Variants in SZT2 observed in about 807,000 individuals in gnomAD.
SZT2 encodes the protein KICSTOR complex protein SZT2.
Under a neutral mutation model 404.2 loss-of-function variants are expected in SZT2, and 216 were observed. That is an observed-to-expected ratio of 0.53 (90% CI 0.48 to 0.60). The LOEUF (loss-of-function observed/expected upper bound fraction) is 0.60, where lower values mean the gene tolerates loss of function less well. Among genes scored for constraint, SZT2 ranks in the 20% least tolerant of loss-of-function variants. The pLI, the probability that SZT2 is intolerant of heterozygous loss-of-function variation, is 0.00. For synonymous variants in SZT2, 1,693 were observed against 1,749.9 expected, an observed-to-expected ratio of 0.97 and a Z score of 0.81; for missense variants, 3,857 against 4,459.2, an observed-to-expected ratio of 0.86 and a Z score of 3.85.
rs758551979 is a variant in SZT2 at position 43,403,603 on chromosome 1, T to G, written c.156T>G (p.Leu52=). ...TVQATPQEML[L]QSEQELEVLS... ...TTTCTTTCCATCCTAATTTTCAGCT[T>G]CAGTCTGAACAGGAATTGGAAGTCC... Residue 52 remains leucine, a splice_region_variant and synonymous_variant, in exon 3 of 72, where the codon CTT becomes CTG. Coordinates refer to ENST00000634258, the MANE Select transcript of SZT2 (RefSeq NM_001365999.1). 6.2e-7 allele frequency: 1 copy of G among 1,609,514 alleles called. No individual in the cohort carries two copies. The highest frequency in any genetic ancestry group is 1.7e-5 in the Admixed American group (1 of 59,928).
intron 4 of SZT2, among the ~76,000 whole-genome samples, chr1:43,407,088 G>A (rs1294382405): frequency 6.6e-6 from 1 of 152,212 alleles, no homozygotes; most frequent in Non-Finnish European, 1.5e-5. Context: ...TTGTAGCATG[G>A]GAGAGAGGAG....
intron 25 of SZT2, 39 bp downstream of exon 25, chr1:43,427,484 G>A: frequency 1.2e-6 from 2 of 1,612,684 alleles, no homozygotes; most frequent in Non-Finnish European, 1.7e-6. Flanking sequence ...AGTGGGAGTG[G>A]GAAACAGATA....
At position 43,454,063 on chromosome 1, in the gene SZT2, CCGAG is replaced by C; in HGVS notation, c.*3585_*3588del. 1 of 1,128,738 alleles carries C rather than the reference CCGAG, an allele frequency of 8.9e-7. No individual in the cohort carries two copies. Among genetic ancestry groups the C allele is most frequent in the Non-Finnish European group, 1.1e-6 (1 of 922,918 alleles). The allele number at this position is 1,128,738 out of a possible 1,614,324, so 69.9% of individuals were successfully genotyped here. On this transcript the variant is annotated 3_prime_UTR_variant, in exon 72 of 72. Coordinates refer to ENST00000634258, the MANE Select transcript of SZT2 (RefSeq NM_001365999.1). ...CCCGCGCCTGGAGAAGGTAGGGAGG[CCGAG>C]CTCCAGGGCCTGAGAGCCGGACGCG...
chr1:43,443,447 C>A lies in SZT2; in HGVS notation c.8595C>A (p.Pro2865=), dbSNP rs748634866. 6.2e-7 allele frequency: 1 copy of A among 1,614,190 alleles called. No individual in the cohort carries two copies. The highest frequency in any genetic ancestry group is 8.5e-7 in the Non-Finnish European group (1 of 1,180,026). Residue 2865 remains proline, a synonymous_variant, in exon 61 of 72, where the codon CCC becomes CCA. Transcript: ENST00000634258. ...LFDPAAWLHG[P]PETSGPPDGQ... is the part of the protein sequence containing the mutation. ...ACCCAGCTGCCTGGCTGCATGGGCC[C>A]CCAGAGACCTCTGGACCCCCTGACG...
rs1193295670 is a variant in SZT2 at position 43,426,009 on chromosome 1, C to G, written c.2930-29C>G. 6.2e-7 allele frequency: 1 copy of G among 1,613,468 alleles called. No individual in the cohort carries two copies. On this transcript the variant is annotated intron_variant, in intron 20 of 71. Coordinates refer to ENST00000634258, the MANE Select transcript of SZT2 (RefSeq NM_001365999.1). The surrounding 1 kb of genome is among the most constrained non-coding windows in gnomAD (Gnocchi z 4.9). ...GGAGTGGGTAGGGTAATCTGCGTCTCACTGTGTCCTGTCCTTCCTCCCTCG... is the reference window on the plus strand; with the variant it reads ...GGAGTGGGTAGGGTAATCTGCGTCTGACTGTGTCCTGTCCTTCCTCCCTCG...
chr1:43,428,594 C>T, intron 28 of SZT2, 108 bp downstream of exon 28: 1 of 1,450,072 alleles, frequency 6.9e-7, no homozygotes, highest in Non-Finnish European at 9.2e-7. Flanking sequence ...ATCTAAGCAC[C>T]TGAGAAGCAG....
At chr1:43,433,887 G>A (rs558141842) in intron 40 of SZT2, among the ~76,000 whole-genome samples, 9 of 152,334 alleles carry the variant, frequency 5.9e-5, no homozygotes, top group South Asian at 2.1e-4. Context: ...ACCCTACGGC[G>A]TATTAATGTC....
At position 43,453,568 on chromosome 1, in the gene SZT2, T is replaced by C. The variant is rs1447014610; in HGVS notation, c.*3088T>C. The C allele has an allele frequency of 2.8e-6, 4 of 1,406,978 alleles. No homozygotes were observed. The highest frequency in any genetic ancestry group is 1.9e-4 in the Middle Eastern group (1 of 5,214). 87.2% of individuals were successfully genotyped at this position (1,406,978 alleles called of 1,614,324 possible). ...CCCGCGCCCCGGCACCCCCCAGCCC[T>C]CCCAGCCCTCCCGGCCCGCGACGCA... On this transcript the variant is annotated 3_prime_UTR_variant, in exon 72 of 72. Coordinates refer to ENST00000634258, the MANE Select transcript of SZT2 (RefSeq NM_001365999.1).
In SZT2 at chr1:43,439,857, C is replaced by A; in HGVS notation, c.7043-24C>A. 6.4e-7 allele frequency: 1 copy of A among 1,574,218 alleles called. No individual in the cohort carries two copies. Among genetic ancestry groups the A allele is most frequent in the Non-Finnish European group, 8.6e-7 (1 of 1,159,626 alleles). On this transcript the variant is annotated intron_variant, in intron 50 of 71. Coordinates refer to ENST00000634258, the MANE Select transcript of SZT2 (RefSeq NM_001365999.1). The surrounding 1 kb of genome is among the most constrained non-coding windows in gnomAD (Gnocchi z 4.2). ...GTAGAGTGGGATCTAGGGACACCCT[C>A]AAGTGTCCCTGTTCTCCTTCCAGCT...
At chr1:43,423,369 AGGT>A in intron 15 of SZT2, 53 bp downstream of exon 15, 2 of 1,480,336 alleles carry the variant, frequency 1.4e-6, no homozygotes, top group South Asian at 2.7e-5. Flanking sequence ...AGTGGTACAG[AGGT>A]GTGGAGGGCA....
intron 26 of SZT2, 78 bp downstream of exon 26, chr1:43,427,812 G>C: frequency 2.0e-6 from 3 of 1,520,256 alleles, no homozygotes; most frequent in Non-Finnish European, 2.7e-6. Flanking sequence ...ACTAATAGGC[G>C]TGGGCAGGTA....
rs1278882889 is a variant in SZT2 at position 43,453,558 on chromosome 1, C to A, written c.*3078C>A. On this transcript the variant is annotated 3_prime_UTR_variant, in exon 72 of 72. Coordinates refer to ENST00000634258, the MANE Select transcript of SZT2 (RefSeq NM_001365999.1). The stretch of plus-strand genomic sequence containing the variant: ...CACTCCCCTGCCCGCGCCCCGGCAC[C>A]CCCCAGCCCTCCCAGCCCTCCCGGC... The A allele has an allele frequency of 6.6e-7, 1 of 1,519,376 alleles. No homozygotes were observed. Among genetic ancestry groups the A allele is most frequent in the Non-Finnish European group, 8.9e-7 (1 of 1,129,772 alleles). The allele number at this position is 1,519,376 out of a possible 1,614,324, so 94.1% of individuals were successfully genotyped here. A position where few individuals can be genotyped will look rare whatever the true frequency, so the allele number is the denominator to read the frequency against.
At position 43,421,318 on chromosome 1, in the gene SZT2, AGTATAGTAGC is replaced by A; in HGVS notation, c.1626+16_1626+25del. On this transcript the variant is annotated intron_variant, in intron 11 of 71. Transcript: ENST00000634258. ...CCACCACCCCGGTGAGTAGCTCTGA[AGTATAGTAGC>A]CCCATTTCATGTCAACTTGGGTTGC... 6.3e-7 allele frequency: 1 copy of A among 1,597,652 alleles called. No homozygotes were observed. Among genetic ancestry groups the A allele is most frequent in the Non-Finnish European group, 8.5e-7 (1 of 1,179,342 alleles).
intron 10 of SZT2, 45 bp downstream of exon 10, chr1:43,421,028 T>C (rs1298447190): frequency 1.3e-6 from 2 of 1,594,978 alleles, no homozygotes; most frequent in South Asian, 1.1e-5. Context: ...ATTTGTTGTA[T>C]GGAGGGACAG....
At chr1:43,434,982 A>G (rs1308279560) in intron 41 of SZT2, among the ~76,000 whole-genome samples, 1 of 152,232 alleles carries the variant, frequency 6.6e-6, no homozygotes, top group Admixed American at 6.5e-5. Flanking sequence ...GACTCGACGG[A>G]TGGTGAACAG....
At chr1:43,423,011 AG>A in intron 14 of SZT2, 87 bp from the exon 15 acceptor site, 2 of 1,502,614 alleles carry the variant, frequency 1.3e-6, no homozygotes, top group Non-Finnish European at 1.8e-6. Context: ...CCTGGAGAAG[AG>A]GGCTGTGTCT....
In SZT2 at chr1:43,425,662, T is replaced by C. The variant is rs765824044; in HGVS notation, c.2814+20T>C. On this transcript the variant is annotated intron_variant, in intron 19 of 71. Transcript: ENST00000634258. This position sits in a 1 kb window ranked among gnomAD's most constrained non-coding sequence, Gnocchi z 4.3. ...CAAGCTGTGAGTGTCCTCAGAACAG[T>C]ACCCGCACCTCTCTCACTGGATTGG... 7.4e-6 allele frequency: 12 copies of C among 1,612,138 alleles called. No homozygotes were observed. Among genetic ancestry groups the C allele is most frequent in the Non-Finnish European group, 1.0e-5 (12 of 1,178,998 alleles).
Position 43,421,245 on chromosome 1 carries a change from C to T in SZT2, c.1568C>T (p.Pro523Leu). 3 of 1,598,608 alleles carry T rather than the reference C, an allele frequency of 1.9e-6. No individual in the cohort carries two copies. Among genetic ancestry groups the T allele is most frequent in the Non-Finnish European group, 2.5e-6 (3 of 1,179,814 alleles). ...FSSVPEHFTL[P>L]DSTKSGVPLF... Reference sequence around the variant, plus strand: ...TCAGTGCCTGAGCATTTCACGCTTCCTGACAGCACCAAGAGCGGAGTGCCA... The same window carrying T: ...TCAGTGCCTGAGCATTTCACGCTTCTTGACAGCACCAAGAGCGGAGTGCCA... Residue 523 changes from proline (P) to leucine (L), a missense_variant, in exon 11 of 72, where the codon CCT becomes CTT. By Grantham distance (98) the Pro-to-Leu change is moderately conservative. Coordinates refer to ENST00000634258, the MANE Select transcript of SZT2 (RefSeq NM_001365999.1).
At position 43,419,957 on chromosome 1, in the gene SZT2, C is replaced by G. The variant is rs1652143838; in HGVS notation, c.1090+13C>G. ...GAATATTACTGCGGTGAGAGGCACA[C>G]TGAGGTGGGTGTGGGAAGGAGGGAA... On this transcript the variant is annotated intron_variant, in intron 8 of 71. Coordinates refer to ENST00000634258, the MANE Select transcript of SZT2 (RefSeq NM_001365999.1). The G allele has an allele frequency of 1.9e-6, 3 of 1,597,880 alleles. No individual in the cohort carries two copies. The African/African-American group carries it at 4.0e-5, about 21-fold the overall frequency.
Sources: gnomAD v4.1 joint callset for allele counts (sites outside exome capture counted in the v4.1 genomes callset) on GRCh38, gnomAD v4.1.1 for gene constraint, Gnocchi (gnomAD v3.1) non-coding constraint, MANE v1.5 for transcripts, NCBI Gene and HGNC (gene_info 2026-07-23, HGNC 2026-07-21) for gene names.